The following HS3ST3A1 variants were observed in gnomAD, a reference collection of about 807,000 sequenced individuals.
HS3ST3A1 encodes the protein heparan sulfate glucosamine 3-O-sulfotransferase 3A1.
HS3ST3A1 carries 19 observed loss-of-function variants against 25.7 expected under a neutral mutation model. The ratio of observed to expected loss-of-function variants is 0.74; its 90% CI spans 0.52 to 1.08. The LOEUF is 1.08. HS3ST3A1 is among the 50% of genes least tolerant of loss of function. The probability of loss-of-function intolerance (pLI) is 0.00; values close to 1 mark genes in which losing one functional copy is unlikely to be tolerated. For missense variants in HS3ST3A1, 459 were observed against 594.3 expected (o/e 0.77, Z 2.37); for synonymous variants, 226 against 278.6 (o/e 0.81, Z 1.88).
intron 1 of HS3ST3A1, among the ~76,000 whole-genome samples, chr17:13,569,073 G>A (rs182764054): frequency 3.9e-4 from 59 of 152,286 alleles, no homozygotes; most frequent in Admixed American, 2.4e-3. Flanking sequence ...AGCATGGAGC[G>A]TGTCAAGATG....
At chr17:13,555,745 T>A (rs1907356633) in intron 1 of HS3ST3A1, among the ~76,000 whole-genome samples, 1 of 152,158 alleles carries the variant, frequency 6.6e-6, no homozygotes, top group Non-Finnish European at 1.5e-5. Context: ...GAGACAATCA[T>A]TTAACTACTT....
chr17:13,536,977 T>C (rs766480563), intron 1 of HS3ST3A1, among the ~76,000 whole-genome samples: 1 of 152,210 alleles, frequency 6.6e-6, no homozygotes, highest in Non-Finnish European at 1.5e-5. Flanking sequence ...CTCCCACCTA[T>C]GCTAAGTGAC....
intron 1 of HS3ST3A1, among the ~76,000 whole-genome samples, chr17:13,499,678 A>G (rs1293682198): frequency 1.3e-5 from 2 of 152,156 alleles, no homozygotes; most frequent in Non-Finnish European, 2.9e-5. Context: ...GCGCTGGGCC[A>G]GAGGAAACAC....
chr17:13,571,877 A>G (rs1003887392), intron 1 of HS3ST3A1, among the ~76,000 whole-genome samples: 1 of 152,128 alleles, frequency 6.6e-6, no homozygotes, highest in Admixed American at 6.5e-5. Flanking sequence ...CTCCTGCCTC[A>G]GCCTCCTGAG....
intron 1 of HS3ST3A1, among the ~76,000 whole-genome samples, chr17:13,519,071 TACCTCTAGG>T (rs2142315943): frequency 6.6e-6 from 1 of 152,366 alleles, no homozygotes; most frequent in South Asian, 2.1e-4. Context: ...TAACAGTGGT[TACCTCTAGG>T]AAATGGAATG....
chr17:13,536,720 G>A (rs774823839), intron 1 of HS3ST3A1, among the ~76,000 whole-genome samples: 2 of 152,188 alleles, frequency 1.3e-5, no homozygotes, highest in Non-Finnish European at 2.9e-5. Context: ...ATGGAGCCAG[G>A]TTAGGCTCTC....
intron 1 of HS3ST3A1, among the ~76,000 whole-genome samples, chr17:13,504,903 G>A (rs1403672864): frequency 1.3e-5 from 2 of 152,196 alleles, no homozygotes; most frequent in Non-Finnish European, 1.5e-5. Flanking sequence ...GGTGTGCAGT[G>A]TAACCTGGAG....
intron 1 of HS3ST3A1, among the ~76,000 whole-genome samples, chr17:13,600,212 G>T (rs1024438002): frequency 1.4e-5 from 2 of 139,840 alleles, no homozygotes; most frequent in South Asian, 4.3e-4. Context: ...TAATTTAGAA[G>T]AGACTTTTTT....
At chr17:13,570,336 C>T (rs535676369) in intron 1 of HS3ST3A1, among the ~76,000 whole-genome samples, 23 of 149,010 alleles carry the variant, frequency 1.5e-4, no homozygotes, top group African/African-American at 5.7e-4. Context: ...TGCTGTTTGT[C>T]CTAAAAGTGA....
intron 1 of HS3ST3A1, among the ~76,000 whole-genome samples, chr17:13,526,492 A>ATATG (rs1906429821): frequency 7.7e-6 from 1 of 129,490 alleles, no homozygotes; most frequent in Non-Finnish European, 1.6e-5. Flanking sequence ...ATATATATAT[A>ATATG]TATATATATA....
intron 1 of HS3ST3A1, among the ~76,000 whole-genome samples, chr17:13,546,094 G>A (rs561498502): frequency 7.9e-5 from 12 of 152,110 alleles, no homozygotes; most frequent in African/African-American, 1.9e-4. Context: ...CCACCTGTCC[G>A]CCCTCTCTGA....
rs1261159902 is a variant in HS3ST3A1, at chr17:13,569,045, TA to T, written c.599+31485del. Among the ~76,000 whole-genome samples the T allele has an allele frequency of 4.6e-5, 7 of 152,192 alleles. No homozygotes were observed. In the East Asian group the frequency reaches 1.3e-3, roughly 29 times the overall value. ...GCTGAGCCTGGGAGGCAGGGTTTTC[TA>T]ATCTATGAGGTCAAGGAGCATGGAG... On this transcript the variant is annotated intron_variant, in intron 1 of 1. Coordinates refer to ENST00000284110, the MANE Select transcript of HS3ST3A1 (RefSeq NM_006042.3).
intron 1 of HS3ST3A1, among the ~76,000 whole-genome samples, chr17:13,532,654 T>A (rs1314668031): frequency 1.3e-5 from 2 of 152,064 alleles, no homozygotes; most frequent in Non-Finnish European, 2.9e-5. Flanking sequence ...CTTAAATATC[T>A]GCTGATGGAA....
At chr17:13,589,069 G>A (rs1453209680) in intron 1 of HS3ST3A1, among the ~76,000 whole-genome samples, 3 of 152,160 alleles carry the variant, frequency 2.0e-5, no homozygotes, top group African/African-American at 4.8e-5. Context: ...TTCACCACAC[G>A]TCACAGGCTG....
chr17:13,563,904 G>A (rs897244101), intron 1 of HS3ST3A1, among the ~76,000 whole-genome samples: 1 of 152,000 alleles, frequency 6.6e-6, no homozygotes, highest in Non-Finnish European at 1.5e-5. Context: ...TATGAGCACC[G>A]GTGCCAGGCA....
intron 1 of HS3ST3A1, among the ~76,000 whole-genome samples, chr17:13,509,634 G>A (rs535545034): frequency 6.6e-6 from 1 of 152,204 alleles, no homozygotes; most frequent in South Asian, 2.1e-4. Context: ...ACAGAGAAGA[G>A]AGCAAGAAGA....
chr17:13,544,603 G>C (rs915335859), intron 1 of HS3ST3A1, among the ~76,000 whole-genome samples: 5 of 152,140 alleles, frequency 3.3e-5, no homozygotes, highest in South Asian at 2.1e-4. Flanking sequence ...AGTGATGTCA[G>C]GAGGCTCTGA....
intron 1 of HS3ST3A1, among the ~76,000 whole-genome samples, chr17:13,525,566 T>G (rs1379314163): frequency 6.6e-6 from 1 of 152,222 alleles, no homozygotes; most frequent in East Asian, 1.9e-4. Flanking sequence ...CTTTTCAAAT[T>G]ACAGACTGAA....
At chr17:13,543,887 G>A (rs1198625875) in intron 1 of HS3ST3A1, among the ~76,000 whole-genome samples, 1 of 152,132 alleles carries the variant, frequency 6.6e-6, no homozygotes. Context: ...CTTTTAAGTG[G>A]TAAAAGTAGG....
Sources: allele counts gnomAD v4.1 joint callset (sites outside exome capture counted in the v4.1 genomes callset), GRCh38; gene constraint gnomAD v4.1.1; transcripts MANE v1.5; gene names NCBI Gene and HGNC (gene_info 2026-07-23, HGNC 2026-07-21).